The following CADM2 variants were observed in gnomAD, a reference collection of about 807,000 sequenced individuals.
CADM2 encodes immunoglobulin superfamily member 4D.
A neutral mutation model predicts 49.8 loss-of-function variants in CADM2; 12 were observed. That is an observed-to-expected ratio of 0.24 (90% CI 0.15 to 0.39). The LOEUF is 0.39. CADM2 is among the 10% of genes least tolerant of loss of function. CADM2 has a pLI of 1.00. For synonymous variants in CADM2, 214 were observed against 175.4 expected (o/e 1.22, Z -1.74); for missense variants, 378 against 492.3 (o/e 0.77, Z 2.20).
intron 1 of CADM2, among the ~76,000 whole-genome samples, chr3:85,284,203 T>C (rs1172538917): frequency 6.6e-6 from 1 of 152,128 alleles, no homozygotes; most frequent in African/African-American, 2.4e-5. Context: ...CTTTGAAAAG[T>C]TAGCTCTAAG....
intron 1 of CADM2, among the ~76,000 whole-genome samples, chr3:85,487,393 G>A (rs1218992631): frequency 6.6e-6 from 1 of 152,066 alleles, no homozygotes; most frequent in Non-Finnish European, 1.5e-5. Context: ...GGACATGGTG[G>A]TGTGTCGTGT....
intron 1 of CADM2, among the ~76,000 whole-genome samples, chr3:85,190,186 A>G (rs371803535): frequency 6.6e-6 from 1 of 152,026 alleles, no homozygotes; most frequent in South Asian, 2.1e-4. Context: ...AAATCTTGGA[A>G]TCCTCAGAGT....
At chr3:85,915,125 T>G (rs2108488228) in intron 6 of CADM2, among the ~76,000 whole-genome samples, 1 of 152,250 alleles carries the variant, frequency 6.6e-6, no homozygotes. Context: ...TTTTCACTAC[T>G]TTGGAAATCA....
At chr3:85,741,331 A>G (rs372683013) in intron 2 of CADM2, among the ~76,000 whole-genome samples, 5 of 118,738 alleles carry the variant, frequency 4.2e-5, no homozygotes, top group South Asian at 2.8e-4. Context: ...ATTTCCCCTC[A>G]AGAGAAAAAA....
At chr3:85,660,491 TG>T (rs2065368761) in intron 1 of CADM2, among the ~76,000 whole-genome samples, 1 of 151,760 alleles carries the variant, frequency 6.6e-6, no homozygotes, top group Admixed American at 6.6e-5. Flanking sequence ...ACAAAAGAAA[TG>T]CTTTAAAAGA....
At chr3:86,043,908 A>G (rs1031011535) in intron 8 of CADM2, among the ~76,000 whole-genome samples, 7 of 152,330 alleles carry the variant, frequency 4.6e-5, no homozygotes, top group Admixed American at 3.3e-4. Context: ...ATAGTGCTGC[A>G]TATCTACAAC....
At chr3:86,042,499 G>A (rs945543677) in intron 8 of CADM2, among the ~76,000 whole-genome samples, 5 of 152,048 alleles carry the variant, frequency 3.3e-5, no homozygotes, top group Non-Finnish European at 5.9e-5. Context: ...TAAATTCCTT[G>A]ACACATACAC....
intron 3 of CADM2, among the ~76,000 whole-genome samples, chr3:85,869,098 T>A (rs1227540830): frequency 6.6e-6 from 1 of 152,186 alleles, no homozygotes; most frequent in Non-Finnish European, 1.5e-5. Context: ...ATAAATTGTA[T>A]TTTTCATGCT....
intron 1 of CADM2, among the ~76,000 whole-genome samples, chr3:85,498,087 A>C (rs748899856): frequency 1.2e-4 from 18 of 152,066 alleles, no homozygotes; most frequent in Non-Finnish European, 1.9e-4. Flanking sequence ...TTCCCAGCCA[A>C]GATCAAACAA....
At chr3:85,271,290 C>A (rs1352342506) in intron 1 of CADM2, among the ~76,000 whole-genome samples, 3 of 148,816 alleles carry the variant, frequency 2.0e-5, no homozygotes, top group Admixed American at 2.0e-4. Context: ...TATTTATTTG[C>A]AGAAATAAAT....
chr3:85,532,064 C>T (rs2061325747), intron 1 of CADM2, among the ~76,000 whole-genome samples: 1 of 152,090 alleles, frequency 6.6e-6, no homozygotes, highest in African/African-American at 2.4e-5. Context: ...GTAGTCCCAG[C>T]GACTCTGGAG....
At chr3:85,097,426 T>C (rs1270170528) in intron 1 of CADM2, among the ~76,000 whole-genome samples, 1 of 152,192 alleles carries the variant, frequency 6.6e-6, no homozygotes, top group African/African-American at 2.4e-5. Flanking sequence ...TGGTTCCAAG[T>C]CTTTGCTATT....
chr3:85,027,974 T>C (rs1393654318), intron 1 of CADM2, among the ~76,000 whole-genome samples: 1 of 152,162 alleles, frequency 6.6e-6, no homozygotes, highest in Non-Finnish European at 1.5e-5. Context: ...ATTTTTTTTC[T>C]TTTTTCCTTT....
chr3:85,978,993 G>T (rs1256973863), intron 8 of CADM2, among the ~76,000 whole-genome samples: 1 of 151,492 alleles, frequency 6.6e-6, no homozygotes, highest in Non-Finnish European at 1.5e-5. Flanking sequence ...GCATGAAAAA[G>T]AAGTGAAAAA....
chr3:86,014,005 CT>C, intron 8 of CADM2: 1 of 1,420,144 alleles, frequency 7.0e-7, no homozygotes, highest in Non-Finnish European at 9.5e-7. Flanking sequence ...GAAGTTTGTT[CT>C]TTTTTCCCTT....
intron 1 of CADM2, among the ~76,000 whole-genome samples, chr3:85,291,162 G>A (rs1490519342): frequency 6.6e-6 from 1 of 152,160 alleles, no homozygotes; most frequent in Non-Finnish European, 1.5e-5. Context: ...AGGAGCCGAT[G>A]CGATCAACTG....
At chr3:84,970,409 C>G (rs1452978750) in intron 1 of CADM2, among the ~76,000 whole-genome samples, 3 of 151,654 alleles carry the variant, frequency 2.0e-5, no homozygotes, top group African/African-American at 7.3e-5. Context: ...ACTATATTTT[C>G]ACATAAAGTG....
intron 1 of CADM2, among the ~76,000 whole-genome samples, chr3:85,606,335 C>T (rs969242245): frequency 1.3e-5 from 2 of 152,064 alleles, no homozygotes; most frequent in Admixed American, 1.3e-4. Flanking sequence ...CTAGAATTCT[C>T]TAGTTCACAC....
chr3:85,901,617 T>C (rs544805357), intron 5 of CADM2, among the ~76,000 whole-genome samples: 1 of 152,246 alleles, frequency 6.6e-6, no homozygotes, highest in African/African-American at 2.4e-5. Context: ...AAACCTGGGG[T>C]TAGCTATTTT....
Sources: gnomAD v4.1 joint callset for allele counts (sites outside exome capture counted in the v4.1 genomes callset) on GRCh38, gnomAD v4.1.1 for gene constraint, MANE v1.5 for transcripts, NCBI Gene and HGNC (gene_info 2026-07-23, HGNC 2026-07-21) for gene names.